DAB1: variants seen among roughly 807,000 people sequenced by gnomAD.
The protein encoded by DAB1 is disabled homolog 1.
In DAB1, 15 loss-of-function variants were observed where a neutral mutation model predicts 64.6. The ratio of observed to expected loss-of-function variants is 0.23; its 90% CI spans 0.16 to 0.36. The LOEUF (loss-of-function observed/expected upper bound fraction) is 0.36. DAB1 is among the 10% of genes least tolerant of loss of function. The pLI, the probability that DAB1 is intolerant of heterozygous loss-of-function variation, is 1.00. For synonymous variants in DAB1, 235 were observed against 251.9 expected, an observed-to-expected ratio of 0.93 and a Z score of 0.64; for missense variants, 596 against 706.7, an observed-to-expected ratio of 0.84 and a Z score of 1.78.
intron 3 of DAB1, among the ~76,000 whole-genome samples, chr1:58,466,885 G>A (rs1341086510): frequency 6.6e-6 from 1 of 152,200 alleles, no homozygotes; most frequent in Non-Finnish European, 1.5e-5. Context: ...GTCAGTCTGA[G>A]CCATTCATCA....
At chr1:58,362,403 C>G (rs1250359826) in intron 3 of DAB1, among the ~76,000 whole-genome samples, 2 of 152,162 alleles carry the variant, frequency 1.3e-5, no homozygotes, top group Non-Finnish European at 2.9e-5. Flanking sequence ...AAATACTGAC[C>G]TACATTGAGA....
chr1:57,476,162 G>A lies in DAB1; in HGVS notation n.625+173430C>T, dbSNP rs997619106. Among the ~76,000 whole-genome samples, 7 of 150,432 alleles carry A rather than the reference G, an allele frequency of 4.7e-5. No homozygotes were observed. In the South Asian group the frequency reaches 1.3e-3, roughly 27 times the overall value. ...AATCGCTTGAATCTGGGAGGTGGAG[G>A]TTGCAGTGAGCCGAGGTCACGCCAC... On this transcript the variant is annotated intron_variant and non_coding_transcript_variant, in intron 7 of 20. Coordinates refer to the DAB1 transcript ENST00000485760.
At chr1:58,127,519 C>T (rs1653196597) in intron 5 of DAB1, among the ~76,000 whole-genome samples, 1 of 151,790 alleles carries the variant, frequency 6.6e-6, no homozygotes, top group Non-Finnish European at 1.5e-5. Flanking sequence ...GTGTTTTAGA[C>T]ATGAAGTCCT....
chr1:58,137,750 A>T (rs1654029514), intron 5 of DAB1, among the ~76,000 whole-genome samples: 2 of 152,220 alleles, frequency 1.3e-5, no homozygotes, highest in Admixed American at 1.3e-4. Context: ...CTCTAGACAC[A>T]ATGTAATAGT....
At chr1:57,386,716 T>C (rs1400310313) in intron 1 of DAB1, 3 of 146,546 alleles carry the variant, frequency 2.0e-5, no homozygotes, top group Non-Finnish European at 4.5e-5. Flanking sequence ...TTCCTCACTA[T>C]CTTCTGGTAC....
chr1:57,729,959 CAG>C (rs1647339934), intron 6 of DAB1, among the ~76,000 whole-genome samples: 1 of 152,220 alleles, frequency 6.6e-6, no homozygotes. Flanking sequence ...CTTTTCAAAA[CAG>C]AGACACAGCA....
chr1:57,706,850 A>G (rs1646972709), intron 6 of DAB1, among the ~76,000 whole-genome samples: 1 of 152,102 alleles, frequency 6.6e-6, no homozygotes, highest in Non-Finnish European at 1.5e-5. Context: ...AGGTGGGCGC[A>G]TCACCTGAGG....
chr1:57,659,028 C>A (rs976296089), intron 6 of DAB1, among the ~76,000 whole-genome samples: 3 of 152,174 alleles, frequency 2.0e-5, no homozygotes, highest in Admixed American at 1.3e-4. Flanking sequence ...TATGAAACAC[C>A]CTGTCTGTGG....
At chr1:57,381,834 G>A (rs865838442) in intron 1 of DAB1, among the ~76,000 whole-genome samples, 3 of 152,162 alleles carry the variant, frequency 2.0e-5, no homozygotes, top group South Asian at 2.1e-4. Flanking sequence ...TCTCAGAGCT[G>A]ATGGTGTGAA....
At chr1:57,606,974 A>G (rs928606022) in intron 7 of DAB1, among the ~76,000 whole-genome samples, 1 of 151,226 alleles carries the variant, frequency 6.6e-6, no homozygotes, top group Non-Finnish European at 1.5e-5. Context: ...TTTAATAGAG[A>G]CGGGGTGTCA....
chr1:58,063,389 A>G (rs1290474999), intron 5 of DAB1, among the ~76,000 whole-genome samples: 1 of 152,186 alleles, frequency 6.6e-6, no homozygotes, highest in Non-Finnish European at 1.5e-5. Flanking sequence ...CACAGGAGCA[A>G]GGATCCTTGC....
intron 7 of DAB1, among the ~76,000 whole-genome samples, chr1:57,439,446 T>TTTTTTTTTTTTTTTTTTTTTTTTTTTTG (rs1685847161): frequency 7.0e-6 from 1 of 141,944 alleles, no homozygotes; most frequent in Non-Finnish European, 1.5e-5. Context: ...TTTTTTTTTT[T>TTTTTTTTTTTTTTTTTTTTTTTTTTTTG]TGAGACGGAG....
intron 4 of DAB1, among the ~76,000 whole-genome samples, chr1:57,094,153 C>G (rs1427586862): frequency 1.4e-5 from 2 of 146,746 alleles, no homozygotes; most frequent in Non-Finnish European, 3.0e-5. Context: ...ATCTTCAAAA[C>G]TTTTATTTTT....
intron 5 of DAB1, among the ~76,000 whole-genome samples, chr1:58,132,851 C>T (rs545645663): frequency 6.6e-6 from 1 of 152,112 alleles, no homozygotes; most frequent in Non-Finnish European, 1.5e-5. Context: ...GATAACAGCA[C>T]AATTAAAGTG....
At chr1:58,033,215 C>T (rs974052658) in intron 5 of DAB1, among the ~76,000 whole-genome samples, 2 of 152,090 alleles carry the variant, frequency 1.3e-5, no homozygotes, top group African/African-American at 4.8e-5. Flanking sequence ...GTATTTATTC[C>T]CTCAAGTCCT....
intron 5 of DAB1, among the ~76,000 whole-genome samples, chr1:58,134,845 G>A (rs1036916921): frequency 1.3e-5 from 2 of 152,138 alleles, no homozygotes; most frequent in African/African-American, 4.8e-5. Flanking sequence ...GGGACACAGA[G>A]CCAAACCATA....
intron 4 of DAB1, among the ~76,000 whole-genome samples, chr1:57,109,242 C>G (rs1447646507): frequency 1.3e-5 from 2 of 152,214 alleles, no homozygotes; most frequent in Admixed American, 1.3e-4. Flanking sequence ...ACCTCTGAAC[C>G]CTGATCCTGA....
chr1:58,466,417 G>A (rs777985124), intron 3 of DAB1, among the ~76,000 whole-genome samples: 2 of 151,828 alleles, frequency 1.3e-5, no homozygotes, highest in Non-Finnish European at 2.9e-5. Flanking sequence ...ATCCTGTCTC[G>A]GTTTCTGCTT....
intron 7 of DAB1, among the ~76,000 whole-genome samples, chr1:57,434,733 A>G (rs574064121): frequency 6.6e-6 from 1 of 152,344 alleles, no homozygotes; most frequent in South Asian, 2.1e-4. Flanking sequence ...TCTAGGCTAC[A>G]AACCTGTATG....
Sources: allele counts gnomAD v4.1 joint callset (sites outside exome capture counted in the v4.1 genomes callset), GRCh38; gene constraint gnomAD v4.1.1; transcripts MANE v1.5; gene names NCBI Gene and HGNC (gene_info 2026-07-23, HGNC 2026-07-21).